The following IQSEC1 variants were observed in gnomAD, a reference collection of about 807,000 sequenced individuals.
IQSEC1 encodes the protein IQ motif and SEC7 domain-containing protein 1.
In IQSEC1, 31 loss-of-function variants were observed where a neutral mutation model predicts 91.0. The ratio of observed to expected loss-of-function variants is 0.34; its 90% CI spans 0.26 to 0.46. The LOEUF (loss-of-function observed/expected upper bound fraction) is 0.46. IQSEC1 is among the 20% of genes least tolerant of loss of function. IQSEC1 has a pLI of 1.00. For missense variants in IQSEC1, 1,388 were observed against 1,575.6 expected (o/e 0.88, Z 2.02); for synonymous variants, 699 against 662.6 (o/e 1.05, Z -0.84).
intron 1 of IQSEC1, among the ~76,000 whole-genome samples, chr3:13,281,030 C>A (rs936207554): frequency 6.6e-6 from 1 of 152,242 alleles, no homozygotes; most frequent in Non-Finnish European, 1.5e-5. Flanking sequence ...CTGTCCCCTG[C>A]GTGGTCACCA....
intron 1 of IQSEC1, among the ~76,000 whole-genome samples, chr3:12,944,243 G>A (rs1282339345): frequency 6.6e-6 from 1 of 152,230 alleles, no homozygotes; most frequent in Non-Finnish European, 1.5e-5. Context: ...TTTGGACCTG[G>A]TGTGTGTGCC....
chr3:13,051,863 C>T (rs918585941), intron 1 of IQSEC1, among the ~76,000 whole-genome samples: 1 of 152,154 alleles, frequency 6.6e-6, no homozygotes, highest in East Asian at 1.9e-4. Flanking sequence ...AATATGGACG[C>T]TTGGGCCCTA....
rs568949181 is a variant in IQSEC1, at chr3:13,264,481, C to T, written c.272+18230G>A. On this transcript the variant is annotated intron_variant, in intron 1 of 15. Transcript: ENST00000648114. ...GTTCTCATCTGTCTCCAAGTCAAAC[C>T]GCATGGGACATCATCTACAAAATGT... 3.3e-5 allele frequency among the ~76,000 whole-genome samples: 5 copies of T among 152,284 alleles called. No individual in the cohort carries two copies. In the South Asian group the frequency reaches 1.0e-3, roughly 32 times the overall value.
chr3:13,197,314 A>C (rs1217066024), intron 1 of IQSEC1, among the ~76,000 whole-genome samples: 1 of 152,230 alleles, frequency 6.6e-6, no homozygotes, highest in Non-Finnish European at 1.5e-5. Context: ...AGGCATCTTC[A>C]TAAACGGCAG....
chr3:12,917,227 T>C (rs1030447409), intron 6 of IQSEC1, among the ~76,000 whole-genome samples: 14 of 152,286 alleles, frequency 9.2e-5, no homozygotes, highest in African/African-American at 3.1e-4. Flanking sequence ...GGCACAATGA[T>C]GAGCCTACAC....
intron 1 of IQSEC1, among the ~76,000 whole-genome samples, chr3:13,263,344 A>C (rs1268444073): frequency 1.4e-5 from 2 of 147,064 alleles, no homozygotes; most frequent in East Asian, 4.0e-4. Context: ...TGAATTTTAT[A>C]TTTTGTGCAT....
At chr3:13,150,586 G>A (rs1706979042) in intron 2 of IQSEC1, among the ~76,000 whole-genome samples, 1 of 152,206 alleles carries the variant, frequency 6.6e-6, no homozygotes, top group African/African-American at 2.4e-5. Context: ...CGGGGCAGCA[G>A]GAGTTCAGGA....
At chr3:12,903,288 C>G (rs778251362) in intron 12 of IQSEC1, among the ~76,000 whole-genome samples, 1 of 152,074 alleles carries the variant, frequency 6.6e-6, no homozygotes, top group Non-Finnish European at 1.5e-5. Flanking sequence ...TGTGTATATC[C>G]GCACACACAC....
chr3:13,085,050 A>G (rs1039505463), intron 2 of IQSEC1, among the ~76,000 whole-genome samples: 1 of 152,182 alleles, frequency 6.6e-6, no homozygotes, highest in Non-Finnish European at 1.5e-5. Flanking sequence ...CTCAGAGGCC[A>G]TAGATAGGAC....
At chr3:12,982,241 C>T (rs1458112798) in intron 1 of IQSEC1, among the ~76,000 whole-genome samples, 1 of 152,182 alleles carries the variant, frequency 6.6e-6, no homozygotes, top group Non-Finnish European at 1.5e-5. Context: ...AAGTATAGGC[C>T]AGTGGTTCTC....
chr3:13,181,410 T>C (rs1416460418), intron 1 of IQSEC1, among the ~76,000 whole-genome samples: 2 of 152,092 alleles, frequency 1.3e-5, no homozygotes, highest in Admixed American at 1.3e-4. Flanking sequence ...TCAGCAAAAA[T>C]ATAAAATACC....
intron 2 of IQSEC1, among the ~76,000 whole-genome samples, chr3:13,127,985 C>T (rs181328439): frequency 5.4e-4 from 82 of 152,256 alleles, no homozygotes; most frequent in African/African-American, 1.9e-3. Flanking sequence ...TACAGAAATG[C>T]GTTGATTCTG....
At chr3:13,122,138 C>T (rs1353853525) in intron 2 of IQSEC1, among the ~76,000 whole-genome samples, 5 of 152,344 alleles carry the variant, frequency 3.3e-5, no homozygotes, top group Non-Finnish European at 7.3e-5. Context: ...GGGGCCGGGC[C>T]CGAGTGTAAA....
Position 12,967,569 on chromosome 3 carries a change from C to T in IQSEC1, c.24-25704G>A. 12 of 1,331,588 alleles carry T rather than the reference C, an allele frequency of 9.0e-6. No homozygotes were observed. The highest frequency in any genetic ancestry group is 1.1e-5 in the Non-Finnish European group (12 of 1,048,262). The allele number at this position is 1,331,588 out of a possible 1,614,324, so 82.5% of individuals were successfully genotyped here. On this transcript the variant is annotated intron_variant, in intron 1 of 13. Coordinates refer to ENST00000613206, the MANE Select transcript of IQSEC1 (RefSeq NM_001134382.3). This position sits in a 1 kb window ranked among gnomAD's most constrained non-coding sequence, Gnocchi z 5.9. ...GCCGACACCCGGCCACCCGGAGACCCGACCACCCGCCACGCGATCACGTCG... is the reference window on the plus strand; with the variant it reads ...GCCGACACCCGGCCACCCGGAGACCTGACCACCCGCCACGCGATCACGTCG...
intron 1 of IQSEC1, among the ~76,000 whole-genome samples, chr3:13,187,206 A>T (rs1271499195): frequency 6.6e-6 from 1 of 152,148 alleles, no homozygotes; most frequent in Non-Finnish European, 1.5e-5. Context: ...TACTAAATGG[A>T]GATGCACCAA....
chr3:12,964,285 G>A (rs984119651), intron 1 of IQSEC1, among the ~76,000 whole-genome samples: 1 of 120,316 alleles, frequency 8.3e-6, no homozygotes, highest in Non-Finnish European at 1.8e-5. Flanking sequence ...AACAGCATTT[G>A]AGCATACTCC....
chr3:12,957,277 T>C (rs1483717954), intron 1 of IQSEC1, among the ~76,000 whole-genome samples: 4 of 152,204 alleles, frequency 2.6e-5, no homozygotes, highest in African/African-American at 9.6e-5. Context: ...CTTGTTCCTT[T>C]ACTTTCTTCA....
intron 1 of IQSEC1, among the ~76,000 whole-genome samples, chr3:13,007,688 G>A (rs1344916027): frequency 6.6e-6 from 1 of 152,166 alleles, no homozygotes; most frequent in African/African-American, 2.4e-5. Flanking sequence ...AAAACATCCC[G>A]TTTTCTTTGC....
chr3:12,944,285 T>C (rs1306092970), intron 1 of IQSEC1, among the ~76,000 whole-genome samples: 1 of 152,212 alleles, frequency 6.6e-6, no homozygotes, highest in African/African-American at 2.4e-5. Context: ...AACAGGCAGA[T>C]CTGAAAATCC....
Sources: gnomAD v4.1 joint callset for allele counts (sites outside exome capture counted in the v4.1 genomes callset) on GRCh38, gnomAD v4.1.1 for gene constraint, Gnocchi (gnomAD v3.1) non-coding constraint, MANE v1.5 for transcripts, NCBI Gene and HGNC (gene_info 2026-07-23, HGNC 2026-07-21) for gene names.